Variants in PHLDB2 observed in about 807,000 individuals in gnomAD.
PHLDB2 encodes pleckstrin homology like domain family B member 2, also known as pleckstrin homology-like domain family B member 2.
PHLDB2 carries 71 observed loss-of-function variants against 123.6 expected under a neutral mutation model. The observed-to-expected ratio is 0.57, with a 90% CI of 0.47 to 0.70. The LOEUF (loss-of-function observed/expected upper bound fraction) is 0.70, where lower values mean the gene tolerates loss of function less well. Ranked by LOEUF, PHLDB2 falls within the 30% of genes least tolerant of loss-of-function variation. The pLI, the probability that PHLDB2 is intolerant of heterozygous loss-of-function variation, is 0.00. For synonymous variants in PHLDB2, 547 were observed against 541.6 expected (o/e 1.01, Z -0.14); for missense variants, 1,446 against 1,519.5 (o/e 0.95, Z 0.80).
intron 1 of PHLDB2, among the ~76,000 whole-genome samples, chr3:111,841,039 T>C (rs2063670396): frequency 1.3e-5 from 2 of 152,202 alleles, no homozygotes; most frequent in Non-Finnish European, 2.9e-5. Context: ...TTTTCTCTTC[T>C]TTTATAGTTA....
At chr3:111,898,862 A>G (rs935408306) in intron 2 of PHLDB2, among the ~76,000 whole-genome samples, 4 of 152,166 alleles carry the variant, frequency 2.6e-5, no homozygotes, top group African/African-American at 4.8e-5. Context: ...TGCTGTTTCT[A>G]TCACATCTGC....
At chr3:111,741,150 A>C (rs533366417) in intron 1 of PHLDB2, among the ~76,000 whole-genome samples, 27 of 152,302 alleles carry the variant, frequency 1.8e-4, no homozygotes, top group Middle Eastern at 3.4e-3. Context: ...GCAGGAGAAA[A>C]AGAGTTTCAG....
chr3:111,937,730 G>C (rs962206244), intron 6 of PHLDB2, among the ~76,000 whole-genome samples: 4 of 150,286 alleles, frequency 2.7e-5, no homozygotes, highest in African/African-American at 7.4e-5. Flanking sequence ...AAGCTGTGTT[G>C]TGCCATGGCA....
chr3:111,735,885 A>C (rs7642808), intron 1 of PHLDB2, among the ~76,000 whole-genome samples: 148,104 of 152,296 alleles, frequency 0.97, 72,036 homozygotes, highest in East Asian at 1. Context: ...TGGGATCTGA[A>C]TCCAAATCCC....
chr3:111,966,758 G>A (rs1257882528), intron 14 of PHLDB2, 55 bp downstream of exon 14: 4 of 1,432,696 alleles, frequency 2.8e-6, no homozygotes, highest in Non-Finnish European at 3.9e-6. Flanking sequence ...CAGGAGCCCT[G>A]CGCTTGGCAT....
chr3:111,940,951 C>G (rs1444801159), intron 8 of PHLDB2, among the ~76,000 whole-genome samples: 2 of 152,152 alleles, frequency 1.3e-5, no homozygotes, highest in African/African-American at 4.8e-5. Flanking sequence ...TACCATTCAT[C>G]AAATAGTTAA....
At chr3:111,881,527 A>G (rs2065925432) in intron 1 of PHLDB2, among the ~76,000 whole-genome samples, 1 of 152,202 alleles carries the variant, frequency 6.6e-6, no homozygotes, top group Admixed American at 6.5e-5. Flanking sequence ...ACTTGAGTTC[A>G]CTGCAGTAGC....
At chr3:111,958,609 G>A (rs1394306745) in intron 12 of PHLDB2, 3 of 426,948 alleles carry the variant, frequency 7.0e-6, no homozygotes, top group African/African-American at 2.1e-5. Context: ...GGTTCCTTGT[G>A]TGGCTATGAT....
chr3:111,735,917 T>G (rs912285715), intron 1 of PHLDB2, among the ~76,000 whole-genome samples: 7 of 152,200 alleles, frequency 4.6e-5, no homozygotes, highest in African/African-American at 1.7e-4. Flanking sequence ...CATTCTGTTC[T>G]GGGAAACATA....
At chr3:111,827,928 G>A (rs544502942) in intron 1 of PHLDB2, among the ~76,000 whole-genome samples, 2 of 152,304 alleles carry the variant, frequency 1.3e-5, no homozygotes, top group South Asian at 4.1e-4. Flanking sequence ...GGCAGAAGGA[G>A]ATAAAAATGT....
chr3:111,802,899 TGATA>T (rs1350372855), intron 1 of PHLDB2, among the ~76,000 whole-genome samples: 7 of 152,170 alleles, frequency 4.6e-5, no homozygotes, highest in Non-Finnish European at 1.0e-4. Context: ...TGCTCCCAAA[TGATA>T]GATAATTAAT....
intron 1 of PHLDB2, among the ~76,000 whole-genome samples, chr3:111,806,412 T>C (rs2061590006): frequency 1.3e-5 from 2 of 152,198 alleles, no homozygotes; most frequent in African/African-American, 4.8e-5. Context: ...TGGAATTTTA[T>C]ATAATACAAA....
intron 13 of PHLDB2, among the ~76,000 whole-genome samples, chr3:111,964,927 A>G (rs2071653529): frequency 6.6e-6 from 1 of 152,208 alleles, no homozygotes; most frequent in African/African-American, 2.4e-5. Context: ...AATTATTTTC[A>G]AATTAATGAG....
At chr3:111,891,209 G>A (rs2066468911) in intron 2 of PHLDB2, among the ~76,000 whole-genome samples, 1 of 152,146 alleles carries the variant, frequency 6.6e-6, no homozygotes, top group Non-Finnish European at 1.5e-5. Context: ...CAACCCCTGG[G>A]CCATGGGCCA....
At chr3:111,971,857 C>G (rs1055230223) in intron 16 of PHLDB2, among the ~76,000 whole-genome samples, 2 of 152,180 alleles carry the variant, frequency 1.3e-5, no homozygotes, top group African/African-American at 4.8e-5. Context: ...GGCCTTTGTC[C>G]TTGGCCTCCT....
At chr3:111,853,227 A>C (rs1383043027) in intron 2 of PHLDB2, among the ~76,000 whole-genome samples, 1 of 152,220 alleles carries the variant, frequency 6.6e-6, no homozygotes, top group Non-Finnish European at 1.5e-5. Flanking sequence ...ACAAAAATTT[A>C]ATGGTAAGCT....
intron 1 of PHLDB2, among the ~76,000 whole-genome samples, chr3:111,766,340 G>A (rs1218997575): frequency 6.6e-6 from 1 of 151,878 alleles, no homozygotes; most frequent in Non-Finnish European, 1.5e-5. Context: ...CTACTCAGGA[G>A]GCTGAGGCAG....
chr3:111,961,377 G>A (rs139069728), intron 12 of PHLDB2, among the ~76,000 whole-genome samples: 7 of 152,182 alleles, frequency 4.6e-5, no homozygotes, highest in East Asian at 1.9e-4. Context: ...GGTGCTTTTC[G>A]TCCTACTGAT....
At chr3:111,940,844 A>G (rs1221354908) in intron 8 of PHLDB2, among the ~76,000 whole-genome samples, 199 bp downstream of exon 8, 1 of 152,236 alleles carries the variant, frequency 6.6e-6, no homozygotes, top group African/African-American at 2.4e-5. Context: ...AAAATAAGCA[A>G]GGATGTTTTC....
Sources: allele counts gnomAD v4.1 joint callset (sites outside exome capture counted in the v4.1 genomes callset), GRCh38; gene constraint gnomAD v4.1.1; transcripts MANE v1.5; gene names NCBI Gene and HGNC (gene_info 2026-07-23, HGNC 2026-07-21).